CAPN5: variants seen among roughly 807,000 people sequenced by gnomAD.
CAPN5 encodes the protein calpain 5.
In CAPN5, 54 loss-of-function variants were observed where a neutral mutation model predicts 73.0. That is an observed-to-expected ratio of 0.74 (90% confidence interval 0.59 to 0.93). CAPN5 has a LOEUF of 0.93. CAPN5 is among the 40% of genes least tolerant of loss of function. CAPN5 has a pLI of 0.00. For missense variants in CAPN5, 785 were observed against 882.9 expected (o/e 0.89, Z 1.41); for synonymous variants, 335 against 356.9 (o/e 0.94, Z 0.69).
rs782137559 is a variant in CAPN5, at chr11:77,116,312, GTA to G, written c.971+11_971+12del. The stretch of plus-strand genomic sequence containing the variant: ...GACGACGGTGAGTTCTGGTGAGTGT[GTA>G]TGTGCCCTGGGCGTCCGGGGCTGAG... On this transcript the variant is annotated intron_variant, in intron 7 of 12. Coordinates refer to ENST00000648180, the MANE Select transcript of CAPN5 (RefSeq NM_004055.5). 2.2e-5 allele frequency: 35 copies of G among 1,610,450 alleles called. No individual in the cohort carries two copies. The African/African-American group carries it at 3.9e-4, about 18-fold the overall frequency.
intron 9 of CAPN5, chr11:77,119,790 CTT>C (rs1206990593): frequency 4.5e-5 from 7 of 154,002 alleles, no homozygotes; most frequent in Non-Finnish European, 8.7e-5. Context: ...CGCCGTGGCA[CTT>C]TGTTTATACT....
At chr11:77,097,262 C>T (rs1394394937) in intron 3 of CAPN5, among the ~76,000 whole-genome samples, 2 of 151,980 alleles carry the variant, frequency 1.3e-5, no homozygotes, top group African/African-American at 4.8e-5. Context: ...ATGTCCCTGA[C>T]CGGGTTATAT....
intron 3 of CAPN5, among the ~76,000 whole-genome samples, chr11:77,099,616 G>A (rs1950261842): frequency 6.6e-6 from 1 of 151,632 alleles, no homozygotes; most frequent in Non-Finnish European, 1.5e-5. Flanking sequence ...GCACTTGGCA[G>A]GCTGAGGCAG....
Position 77,122,068 on chromosome 11 carries a change from A to G in CAPN5, c.1603+19A>G. 6.9e-7 allele frequency: 1 copy of G among 1,439,176 alleles called. No homozygotes were observed. The highest frequency in any genetic ancestry group is 1.3e-5 in the South Asian group (1 of 76,506). The allele number at this position is 1,439,176 out of a possible 1,614,324, so 89.2% of individuals were successfully genotyped here. A position where few individuals can be genotyped will look rare whatever the true frequency, so the allele number is the denominator to read the frequency against. Reference sequence around the variant, plus strand: ...CCAACAGGTGAGCTCTCCCAGGGAGAGTCCCCCGGCCCTCCTGCCAGTTGT... The same window carrying G: ...CCAACAGGTGAGCTCTCCCAGGGAGGGTCCCCCGGCCCTCCTGCCAGTTGT... On this transcript the variant is annotated intron_variant, in intron 11 of 12. Transcript: ENST00000648180.
chr11:77,095,288 C>T (rs879996465), intron 3 of CAPN5, among the ~76,000 whole-genome samples: 4 of 152,100 alleles, frequency 2.6e-5, no homozygotes, highest in Non-Finnish European at 4.4e-5. Flanking sequence ...CAGGCTCCCA[C>T]CCCCTTCTCT....
intron 11 of CAPN5, 104 bp downstream of exon 11, chr11:77,122,153 C>T: frequency 1.5e-6 from 1 of 655,768 alleles, no homozygotes; most frequent in East Asian, 2.8e-5. Flanking sequence ...CTCTCAGAGG[C>T]ACTGCAGGCC....
chr11:77,105,655 A>G (rs1200158123), intron 3 of CAPN5, among the ~76,000 whole-genome samples: 2 of 152,106 alleles, frequency 1.3e-5, no homozygotes, highest in Admixed American at 1.3e-4. Context: ...GGCAGCTCCC[A>G]ACCCCCTCCC....
intron 1 of CAPN5, among the ~76,000 whole-genome samples, chr11:77,075,069 C>G (rs541050402): frequency 1.4e-4 from 21 of 152,290 alleles, no homozygotes; most frequent in African/African-American, 5.1e-4. Context: ...ACAGCCGTGA[C>G]CAAGTCCCTC....
At chr11:77,075,745 G>A (rs1555033811) in intron 1 of CAPN5, among the ~76,000 whole-genome samples, 1 of 151,896 alleles carries the variant, frequency 6.6e-6, no homozygotes, top group Admixed American at 6.6e-5. Flanking sequence ...CTTAAGTGTA[G>A]AGCTCAGTGG....
intron 1 of CAPN5, among the ~76,000 whole-genome samples, chr11:77,083,212 G>A (rs1274224177): frequency 6.6e-6 from 1 of 152,232 alleles, no homozygotes; most frequent in African/African-American, 2.4e-5. Flanking sequence ...AGTGGCTTGG[G>A]TGCAGAGCAG....
At position 77,084,953 on chromosome 11, in the gene CAPN5, A is replaced by T. The variant is rs369938944; in HGVS notation, c.67A>T (p.Arg23Trp). The part of the protein sequence containing the change: ...YSALRRDCRR[R>W]KVLFEDPLFP... ...AGCCCTGAGGCGGGACTGCCGGCGC[A>T]GGAAGGTGCTCTTCGAGGACCCCCT... Residue 23 changes from arginine (R) to tryptophan (W), a missense_variant, in exon 2 of 13, where the codon AGG becomes TGG. Physicochemically the swap from Arg to Trp is moderately radical, Grantham distance 101. Coordinates refer to ENST00000648180, the MANE Select transcript of CAPN5 (RefSeq NM_004055.5). 3.1e-6 allele frequency: 5 copies of T among 1,613,650 alleles called. No homozygotes were observed. The African/African-American group carries it at 6.7e-5, about 22-fold the overall frequency.
chr11:77,085,155 C>A, intron 2 of CAPN5, 104 bp downstream of exon 2: 1 of 983,976 alleles, frequency 1.0e-6, no homozygotes, highest in Admixed American at 2.1e-5. Flanking sequence ...ATCCCTGGCC[C>A]CAGGCTGCTG....
intron 7 of CAPN5, among the ~76,000 whole-genome samples, chr11:77,116,662 A>C (rs1381648377): frequency 6.6e-6 from 1 of 152,184 alleles, no homozygotes; most frequent in Non-Finnish European, 1.5e-5. Flanking sequence ...CAGCACCAGC[A>C]GTATGGTGTG....
intron 3 of CAPN5, 89 bp downstream of exon 3, chr11:77,093,902 G>T: frequency 2.0e-6 from 3 of 1,532,154 alleles, no homozygotes; most frequent in Non-Finnish European, 2.6e-6. Context: ...CCTGATTGTG[G>T]CAGATGAGAC....
At chr11:77,079,695 A>C (rs781913777) in intron 1 of CAPN5, among the ~76,000 whole-genome samples, 16 of 151,954 alleles carry the variant, frequency 1.1e-4, no homozygotes, top group East Asian at 1.9e-4. Context: ...TTATTTCCTC[A>C]GGTTTTCTAG....
intron 1 of CAPN5, among the ~76,000 whole-genome samples, chr11:77,075,970 A>G (rs968073443): frequency 9.2e-5 from 14 of 152,246 alleles, no homozygotes; most frequent in Admixed American, 8.5e-4. Flanking sequence ...ATCATGTACA[A>G]TGTAATATTT....
chr11:77,108,936 T>C (rs1591139358), intron 3 of CAPN5, among the ~76,000 whole-genome samples: 2 of 152,314 alleles, frequency 1.3e-5, no homozygotes, highest in African/African-American at 2.4e-5. Context: ...AAATTATCTA[T>C]CAAAGAAATG....
intron 3 of CAPN5, chr11:77,103,242 A>G: frequency 1.2e-6 from 2 of 1,613,564 alleles, no homozygotes; most frequent in Non-Finnish European, 1.7e-6. Context: ...CCTGGCCAAG[A>G]TCCGCAAGGT....
chr11:77,093,787 GCCT>G lies in CAPN5; in HGVS notation c.274_276del (p.Ser92del). 6.2e-7 allele frequency: 1 copy of G among 1,611,574 alleles called. No homozygotes were observed. The highest frequency in any genetic ancestry group is 8.5e-7 in the Non-Finnish European group (1 of 1,179,986). Reference sequence around the variant, plus strand: ...GTTTGTGGCAGCCTGCTCGTCACTTGCCTCCCGGGAGTCGCTGTGGCAAAAGGT... The same window carrying G: ...GTTTGTGGCAGCCTGCTCGTCACTTGCCCGGGAGTCGCTGTGGCAAAAGGT... On this transcript the variant is annotated inframe_deletion, in exon 3 of 13. Coordinates refer to ENST00000648180, the MANE Select transcript of CAPN5 (RefSeq NM_004055.5).
Sources: allele counts gnomAD v4.1 joint callset (sites outside exome capture counted in the v4.1 genomes callset), GRCh38; gene constraint gnomAD v4.1.1; transcripts MANE v1.5; gene names NCBI Gene and HGNC (gene_info 2026-07-23, HGNC 2026-07-21).